The following PCDHA5 variants were observed in gnomAD, a reference collection of about 807,000 sequenced individuals.
The protein encoded by PCDHA5 is protocadherin alpha-5.
PCDHA5 carries 43 observed loss-of-function variants against 61.6 expected under a neutral mutation model. That is an observed-to-expected ratio of 0.70 (90% CI 0.55 to 0.90). PCDHA5 has a LOEUF of 0.90. Among genes scored for constraint, PCDHA5 ranks in the 40% least tolerant of loss-of-function variants. The probability of loss-of-function intolerance (pLI) is 0.00; values close to 1 mark genes in which losing one functional copy is unlikely to be tolerated. For missense variants in PCDHA5, 1,298 were observed against 1,222.7 expected, an observed-to-expected ratio of 1.06 and a Z score of -0.92; for synonymous variants, 627 against 543.9, an observed-to-expected ratio of 1.15 and a Z score of -2.13.
intron 1 of PCDHA5, chr5:140,841,234 C>A: frequency 6.8e-7 from 1 of 1,471,288 alleles, no homozygotes. Context: ...ACGGGAGATG[C>A]AGCGGAATTG....
At position 140,997,438 on chromosome 5, in the gene PCDHA5, A is replaced by G. The variant is rs182158337; in HGVS notation, c.2501-12189A>G. ...CTCCTAGGCTACAAACCTGTATATC[A>G]TGTTACTATACTGAATACTGTAGGC... On this transcript the variant is annotated intron_variant, in intron 3 of 3. Transcript: ENST00000529859. Among the ~76,000 whole-genome samples, 274 of 152,308 alleles carry G rather than the reference A, an allele frequency of 1.8e-3. 2 individuals are homozygous for G. The highest frequency in any genetic ancestry group is 6.0e-3 in the African/African-American group (248 of 41,560).
chr5:140,899,005 G>A (rs1220603725), intron 1 of PCDHA5, among the ~76,000 whole-genome samples: 1 of 151,848 alleles, frequency 6.6e-6, no homozygotes, highest in Non-Finnish European at 1.5e-5. Context: ...TGTTATTGGT[G>A]TATAAGAATG....
At chr5:140,828,863 G>A (rs2150159880) in intron 1 of PCDHA5, 2 of 1,614,200 alleles carry the variant, frequency 1.2e-6, no homozygotes, top group East Asian at 2.2e-5. Context: ...TGCAGACAAC[G>A]GAACAACAGT....
chr5:140,839,307 C>T (rs1554137377), intron 1 of PCDHA5, among the ~76,000 whole-genome samples: 1 of 151,838 alleles, frequency 6.6e-6, no homozygotes, highest in Non-Finnish European at 1.5e-5. Flanking sequence ...TTTAAATATC[C>T]TATTTATATT....
At chr5:140,865,143 T>C (rs142181937) in intron 1 of PCDHA5, 3 of 152,352 alleles carry the variant, frequency 2.0e-5, no homozygotes, top group Admixed American at 1.3e-4. Context: ...GAATTTAACA[T>C]TGTATACTTT....
chr5:140,829,196 A>G, intron 1 of PCDHA5: 1 of 1,614,216 alleles, frequency 6.2e-7, no homozygotes, highest in Non-Finnish European at 8.5e-7. Context: ...TGGTACTGTC[A>G]TCGCCCTAAT....
chr5:140,907,690 G>C (rs761914004), intron 1 of PCDHA5, among the ~76,000 whole-genome samples: 1 of 152,196 alleles, frequency 6.6e-6, no homozygotes, highest in African/African-American at 2.4e-5. Context: ...TTGGTGAGTG[G>C]AAGTCCCTGT....
chr5:140,922,577 T>A (rs155818), intron 1 of PCDHA5, among the ~76,000 whole-genome samples: 2 of 152,016 alleles, frequency 1.3e-5, no homozygotes, highest in East Asian at 1.9e-4. Flanking sequence ...AGTTGCCCTG[T>A]AGCCGCCAGT....
chr5:140,882,120 C>G, intron 1 of PCDHA5: 4 of 1,448,936 alleles, frequency 2.8e-6, no homozygotes. Flanking sequence ...GCCGCCGTTT[C>G]TTTCTTCCTG....
intron 1 of PCDHA5, among the ~76,000 whole-genome samples, chr5:140,924,911 TA>T (rs1563069164): frequency 3.0e-4 from 18 of 59,772 alleles, no homozygotes; most frequent in Middle Eastern, 7.5e-3. Flanking sequence ...AAAAATAAAA[TA>T]AAATAAAATA....
chr5:140,843,058 G>A, intron 1 of PCDHA5: 3 of 1,595,232 alleles, frequency 1.9e-6, no homozygotes, highest in Non-Finnish European at 2.6e-6. Flanking sequence ...CAGCGAGCAA[G>A]CTGGTGCCGC....
chr5:140,848,742 A>T (rs2150419290), intron 1 of PCDHA5: 2 of 1,593,114 alleles, frequency 1.3e-6, no homozygotes, highest in South Asian at 2.2e-5. Context: ...GCAGAATGGC[A>T]TTTTGTTTGT....
chr5:140,854,176 AG>A (rs2150310267), intron 1 of PCDHA5: 7 of 663,702 alleles, frequency 1.1e-5, no homozygotes, highest in East Asian at 1.3e-4. Flanking sequence ...AAAAAAAAAA[AG>A]AGTAGTTTAA....
chr5:140,851,692 A>T, intron 1 of PCDHA5: 1 of 939,600 alleles, frequency 1.1e-6, no homozygotes, highest in Non-Finnish European at 1.3e-6. Flanking sequence ...TCAGTGATAA[A>T]ATGATCAGCC....
At chr5:140,893,892 C>A (rs1554185839) in intron 1 of PCDHA5, among the ~76,000 whole-genome samples, 1 of 152,184 alleles carries the variant, frequency 6.6e-6, no homozygotes, top group Non-Finnish European at 1.5e-5. Flanking sequence ...CAGAAAGTTA[C>A]TTTACCTTCT....
At chr5:140,911,818 A>T (rs1472874528) in intron 1 of PCDHA5, among the ~76,000 whole-genome samples, 2 of 152,210 alleles carry the variant, frequency 1.3e-5, no homozygotes, top group African/African-American at 2.4e-5. Flanking sequence ...CCTTCTCCAG[A>T]AACCCCAAAA....
intron 1 of PCDHA5, chr5:140,875,896 G>C (rs1183868015): frequency 6.2e-7 from 1 of 1,614,078 alleles, no homozygotes; most frequent in African/African-American, 1.3e-5. Context: ...AAAGGTACCT[G>C]TTTCTGAATC....
chr5:140,926,125 A>G (rs1584421625), intron 1 of PCDHA5, among the ~76,000 whole-genome samples: 2 of 152,180 alleles, frequency 1.3e-5, no homozygotes, highest in Admixed American at 6.5e-5. Flanking sequence ...ACAGACTTCA[A>G]CCCGCAGCAG....
At chr5:140,842,962 C>G (rs1554139576) in intron 1 of PCDHA5, 1 of 1,594,950 alleles carries the variant, frequency 6.3e-7, no homozygotes, top group African/African-American at 1.3e-5. Context: ...CTCTGGGCAG[C>G]AACGTGACGC....
Sources: gnomAD v4.1 joint callset for allele counts (sites outside exome capture counted in the v4.1 genomes callset) on GRCh38, gnomAD v4.1.1 for gene constraint, MANE v1.5 for transcripts, NCBI Gene and HGNC (gene_info 2026-07-23, HGNC 2026-07-21) for gene names.